STON1: variants seen among roughly 807,000 people sequenced by gnomAD.
The protein encoded by STON1 is stonin-1.
Under a neutral mutation model 60.9 loss-of-function variants are expected in STON1, and 79 were observed. That is an observed-to-expected ratio of 1.30 (90% CI 1.08 to 1.56). STON1 has a LOEUF of 1.56. Ranked by LOEUF, STON1 falls within the 40% of genes most tolerant of loss-of-function variation. The pLI is 0.00. For missense variants in STON1, 1,166 were observed against 858.9 expected (o/e 1.36, Z -4.47); for synonymous variants, 363 against 306.9 (o/e 1.18, Z -1.91).
chr2:48,532,212 G>A lies in STON1; in HGVS notation c.-48+1996G>A, dbSNP rs114419614. ...AAAATACAAAAGCTAGCTGGGCCAG[G>A]TGGCGGGAACCTGTAATTCCCAGCT... On this transcript the variant is annotated intron_variant, in intron 1 of 3. Coordinates refer to ENST00000404752, the MANE Select transcript of STON1 (RefSeq NM_006873.4). Among the ~76,000 whole-genome samples the A allele has an allele frequency of 3.0e-3, 459 of 152,136 alleles. 3 individuals carry two copies. The highest frequency in any genetic ancestry group is 8.0e-3 in the African/African-American group (333 of 41,512).
chr2:48,564,484 TTCTTCTTCTTC>T (rs1672792685), intron 1 of STON1, among the ~76,000 whole-genome samples: 16 of 23,288 alleles, frequency 6.9e-4, no homozygotes, highest in Non-Finnish European at 9.6e-4. Context: ...TTCTTCTTTC[TTCTTCTTCTTC>T]TTCTTCTTCT....
rs750300149 is a variant in STON1 at position 48,581,534 on chromosome 2, G to C, written c.901G>C (p.Val301Leu). The change falls in exon 2 of 4, where the codon GTT (valine) becomes CTT (leucine). Residue 301 changes from valine to leucine, a missense_variant. Coordinates refer to ENST00000404752, the MANE Select transcript of STON1 (RefSeq NM_006873.4). ...GCAATGGGGACCAATTTTTCTGAAA[G>C]TTTTGCCTGGAGGAATTTTGCAGAT... ...SRQWGPIFLK[V>L]LPGGILQMYY... 4 of 1,614,220 alleles carry C rather than the reference G, an allele frequency of 2.5e-6. No homozygotes were observed. The highest frequency in any genetic ancestry group is 2.2e-5 in the East Asian group (1 of 44,880).
chr2:48,555,311 G>A (rs1672282115), intron 1 of STON1, among the ~76,000 whole-genome samples: 1 of 54,762 alleles, frequency 1.8e-5, no homozygotes, highest in Admixed American at 1.6e-4. Flanking sequence ...GGCTGGCCGG[G>A]CGGGGGGGGC....
intron 2 of STON1, among the ~76,000 whole-genome samples, chr2:48,586,620 G>A (rs1366115371): frequency 6.6e-6 from 1 of 152,156 alleles, no homozygotes. Flanking sequence ...CCTAAGTTTT[G>A]GGGCTGAGGG....
intron 1 of STON1, among the ~76,000 whole-genome samples, chr2:48,567,916 T>C (rs777677821): frequency 4.9e-5 from 7 of 143,496 alleles, no homozygotes; most frequent in Non-Finnish European, 6.0e-5. Flanking sequence ...GTGTTGCTCT[T>C]GAGGAGTCTG....
At position 48,530,181 on chromosome 2, in the gene STON1, G is replaced by C. The variant is rs1277661750; in HGVS notation, c.-83G>C. The C allele has an allele frequency of 2.5e-6, 1 of 397,354 alleles. No individual in the cohort carries two copies. Among genetic ancestry groups the C allele is most frequent in the African/African-American group, 2.1e-5 (1 of 46,724 alleles). 24.6% of individuals were successfully genotyped at this position (397,354 alleles called of 1,614,324 possible). A position where few individuals can be genotyped will look rare whatever the true frequency, so the allele number is the denominator to read the frequency against. On this transcript the variant is annotated 5_prime_UTR_variant, in exon 1 of 4. Coordinates refer to ENST00000404752, the MANE Select transcript of STON1 (RefSeq NM_006873.4). ...CTTCCTCCGCCTCCTGGTGTGGCTG[G>C]CTGCGGCCAGAATCGGAGCCCCAAC...
intron 2 of STON1, among the ~76,000 whole-genome samples, chr2:48,590,495 A>G (rs554100498): frequency 1.3e-5 from 2 of 152,290 alleles, no homozygotes; most frequent in African/African-American, 4.8e-5. Flanking sequence ...TGGTTCTTGA[A>G]ATTACTCTTT....
chr2:48,566,373 A>G (rs1672943623), intron 1 of STON1, among the ~76,000 whole-genome samples: 1 of 151,906 alleles, frequency 6.6e-6, no homozygotes, highest in South Asian at 2.1e-4. Context: ...ACGGGGTTTC[A>G]CCATGTTGGT....
At chr2:48,543,050 C>G (rs773770156) in intron 1 of STON1, among the ~76,000 whole-genome samples, 2 of 147,968 alleles carry the variant, frequency 1.4e-5, no homozygotes, top group Non-Finnish European at 3.0e-5. Flanking sequence ...TCTCCACTCA[C>G]TGTAACCTCT....
chr2:48,591,638 T>C lies in STON1; in HGVS notation c.1931-15T>C, dbSNP rs1034301670. On this transcript the variant is annotated splice_polypyrimidine_tract_variant and intron_variant, in intron 2 of 3. Transcript: ENST00000404752. ...CATTAAAATACTTTGACTATTTGAT[T>C]TTTTTTCCCTCGAGGTCTAGATCAT... 4 of 1,611,286 alleles carry C rather than the reference T, an allele frequency of 2.5e-6. No individual in the cohort carries two copies. In the Admixed American group the frequency reaches 6.7e-5, roughly 27 times the overall value.
At chr2:48,553,447 G>A (rs999731432) in intron 1 of STON1, among the ~76,000 whole-genome samples, 1 of 145,642 alleles carries the variant, frequency 6.9e-6, no homozygotes, top group African/African-American at 2.6e-5. Context: ...TCTCTCTCTC[G>A]TTTGTTTTGT....
intron 1 of STON1, among the ~76,000 whole-genome samples, chr2:48,576,914 C>T (rs988471482): frequency 4.6e-5 from 7 of 151,962 alleles, no homozygotes; most frequent in Non-Finnish European, 8.8e-5. Flanking sequence ...ATTAGCCGGG[C>T]GCGGTGGCGG....
Position 48,582,402 on chromosome 2 carries a change from A to C in STON1, c.1769A>C (p.Gln590Pro), listed in dbSNP as rs111280840. The C allele has an allele frequency of 1.2e-6, 2 of 1,614,070 alleles. No individual in the cohort carries two copies. Among genetic ancestry groups the C allele is most frequent in the African/African-American group, 1.3e-5 (1 of 74,922 alleles). Reference sequence around the variant, plus strand: ...CTTTGGACCATGAACCTCCAGAGGCAGAAGTCTCTGAAAGCTAAAATGAAC... The same window carrying C: ...CTTTGGACCATGAACCTCCAGAGGCCGAAGTCTCTGAAAGCTAAAATGAAC... Reference protein sequence around the residue: ...KALWTMNLQRQKSLKAKMNRR... With the variant: ...KALWTMNLQRPKSLKAKMNRR... The change falls in exon 2 of 4, where the codon CAG becomes CCG. Residue 590 changes from glutamine (Q) to proline (P), a missense_variant. Physicochemically the swap from Gln to Pro is moderately conservative, Grantham distance 76. Transcript: ENST00000404752.
intron 1 of STON1, among the ~76,000 whole-genome samples, chr2:48,556,837 G>GT (rs1436348792): frequency 1.6e-5 from 1 of 61,742 alleles, no homozygotes; most frequent in East Asian, 5.6e-4. Context: ...GGCTGGCCGG[G>GT]TGGGGGGGCT....
chr2:48,575,402 C>T (rs952350937), intron 1 of STON1, among the ~76,000 whole-genome samples: 15 of 151,964 alleles, frequency 9.9e-5, no homozygotes, highest in Non-Finnish European at 1.8e-4. Context: ...ACCTGTAATC[C>T]CAGCACTTTG....
chr2:48,574,696 C>T (rs1190348317), intron 1 of STON1, among the ~76,000 whole-genome samples: 2 of 152,124 alleles, frequency 1.3e-5, no homozygotes, highest in African/African-American at 2.4e-5. Flanking sequence ...GTGTAAACCT[C>T]ACATATTTTT....
intron 2 of STON1, among the ~76,000 whole-genome samples, chr2:48,589,203 A>G (rs554086482): frequency 6.6e-6 from 1 of 152,098 alleles, no homozygotes; most frequent in East Asian, 1.9e-4. Flanking sequence ...TCCTCTTGCT[A>G]TTCTTTCCCT....
intron 1 of STON1, among the ~76,000 whole-genome samples, chr2:48,573,735 G>A (rs1219816033): frequency 6.6e-6 from 1 of 152,206 alleles, no homozygotes; most frequent in African/African-American, 2.4e-5. Flanking sequence ...ATTCAGAGCA[G>A]CATTTTTCAA....
rs1231851632 is a variant in STON1 at position 48,595,327 on chromosome 2, G to T, written c.*25G>T. The T allele has an allele frequency of 6.3e-7, 1 of 1,589,380 alleles. No homozygotes were observed. The highest frequency in any genetic ancestry group is 1.3e-5 in the African/African-American group (1 of 74,386). On this transcript the variant is annotated 3_prime_UTR_variant, in exon 4 of 4. Transcript: ENST00000404752. ...GGAGTAGCAAGAGTTTATGATGACAGCCCACTTGTCAAATATGTAATTCAC... is the reference window on the plus strand; with the variant it reads ...GGAGTAGCAAGAGTTTATGATGACATCCCACTTGTCAAATATGTAATTCAC...
Sources: allele counts gnomAD v4.1 joint callset (sites outside exome capture counted in the v4.1 genomes callset), GRCh38; gene constraint gnomAD v4.1.1; transcripts MANE v1.5; gene names NCBI Gene and HGNC (gene_info 2026-07-23, HGNC 2026-07-21).